VPS26A: variants seen among roughly 807,000 people sequenced by gnomAD.
VPS26A encodes vacuolar protein sorting-associated protein 26A.
VPS26A carries 22 observed loss-of-function variants against 42.4 expected under a neutral mutation model. The observed-to-expected ratio is 0.52, with a 90% CI of 0.37 to 0.74. The LOEUF (loss-of-function observed/expected upper bound fraction) is 0.74. Ranked by LOEUF, VPS26A falls within the 30% of genes least tolerant of loss-of-function variation. The pLI, the probability that VPS26A is intolerant of heterozygous loss-of-function variation, is 0.00. For synonymous variants in VPS26A, 110 were observed against 123.5 expected (o/e 0.89, Z 0.73); for missense variants, 276 against 379.2 (o/e 0.73, Z 2.26).
intron 7 of VPS26A, 25 bp from the exon 8 acceptor site, chr10:69,168,464 T>C: frequency 6.2e-7 from 1 of 1,606,150 alleles, no homozygotes; most frequent in Non-Finnish European, 8.5e-7. Context: ...TCTTTAGAAT[T>C]AAGTAGAAAT....
At chr10:69,141,693 A>G (rs1225875326) in intron 2 of VPS26A, among the ~76,000 whole-genome samples, 1 of 152,206 alleles carries the variant, frequency 6.6e-6, no homozygotes, top group African/African-American at 2.4e-5. Context: ...CAAAAATTGA[A>G]AGCCACTTAA....
intron 2 of VPS26A, among the ~76,000 whole-genome samples, chr10:69,138,770 C>G (rs34827469): frequency 0.18 from 27,299 of 151,940 alleles, 2,857 homozygotes; most frequent in Non-Finnish European, 0.23. Context: ...TGTATATCTC[C>G]TTTCTTCTGC....
In VPS26A at chr10:69,171,929, G is replaced by A. The variant is rs1841824805; in HGVS notation, c.*660G>A. ...TAGATTTCTTTCCCCAAGGGATTAT[G>A]TGGCAGGTCATTATGGCCTTCTTTT... On this transcript the variant is annotated 3_prime_UTR_variant, in exon 9 of 9. Transcript: ENST00000263559. The A allele has an allele frequency of 6.6e-6, 1 of 152,130 alleles. No homozygotes were observed. The highest frequency in any genetic ancestry group is 2.4e-5 in the African/African-American group (1 of 41,420). The allele number at this position is 152,130 out of a possible 1,614,324, so 9.4% of individuals were successfully genotyped here.
chr10:69,164,536 G>C (rs148199907), intron 6 of VPS26A, among the ~76,000 whole-genome samples: 1 of 152,034 alleles, frequency 6.6e-6, no homozygotes, highest in Non-Finnish European at 1.5e-5. Context: ...CTAATATTAA[G>C]GGTAGCAAAA....
At chr10:69,161,116 G>T (rs147190441) in intron 5 of VPS26A, among the ~76,000 whole-genome samples, 2,313 of 152,280 alleles carry the variant, frequency 0.015, 67 homozygotes, top group African/African-American at 0.053. Flanking sequence ...CTGGAGTGCA[G>T]TGGCACAATC....
chr10:69,165,320 TTTATTA>T (rs547666693), intron 6 of VPS26A, among the ~76,000 whole-genome samples: 1 of 152,090 alleles, frequency 6.6e-6, no homozygotes, highest in African/African-American at 2.4e-5. Flanking sequence ...TGTGATTTCT[TTTATTA>T]TTATTATTTT....
intron 2 of VPS26A, among the ~76,000 whole-genome samples, chr10:69,154,224 G>A (rs1362061007): frequency 1.3e-5 from 2 of 152,238 alleles, no homozygotes; most frequent in African/African-American, 4.8e-5. Flanking sequence ...AAATGGTGGT[G>A]TAGCCAAACA....
chr10:69,173,653 C>G lies in VPS26A; in HGVS notation c.*2384C>G, dbSNP rs7072314. Among the ~76,000 whole-genome samples, 6,348 of 152,260 alleles carry G rather than the reference C, an allele frequency of 0.042. 465 individuals carry two copies. Among genetic ancestry groups the G allele is most frequent in the African/African-American group, 0.14 (5,978 of 41,532 alleles). On this transcript the variant is annotated 3_prime_UTR_variant, in exon 9 of 9. Coordinates refer to ENST00000263559, the MANE Select transcript of VPS26A (RefSeq NM_004896.5). ...CAACACTCTAGCTAGGATTGTAAAACGCACTCTGGCTAGCTGGAGGTTTGT... is the reference window on the plus strand; with the variant it reads ...CAACACTCTAGCTAGGATTGTAAAAGGCACTCTGGCTAGCTGGAGGTTTGT...
chr10:69,163,250 G>T (rs1418204681), intron 6 of VPS26A, among the ~76,000 whole-genome samples: 1 of 152,170 alleles, frequency 6.6e-6, no homozygotes, highest in Non-Finnish European at 1.5e-5. Context: ...CTTAGAAGTG[G>T]AATTCATGGG....
At chr10:69,155,684 G>A (rs577008207) in intron 2 of VPS26A, 128 bp from the exon 3 acceptor site, 18 of 711,038 alleles carry the variant, frequency 2.5e-5, no homozygotes, top group Non-Finnish European at 3.9e-5. Flanking sequence ...ATTTAGGTAT[G>A]TGGTGGTGTC....
chr10:69,149,151 A>C (rs1322125139), intron 2 of VPS26A, among the ~76,000 whole-genome samples: 3 of 152,164 alleles, frequency 2.0e-5, no homozygotes, highest in Non-Finnish European at 2.9e-5. Flanking sequence ...ATTAATAGCA[A>C]AGGGGAGAAT....
intron 5 of VPS26A, 100 bp downstream of exon 5, chr10:69,158,311 C>A: frequency 9.9e-7 from 1 of 1,007,652 alleles, no homozygotes; most frequent in East Asian, 3.0e-5. Flanking sequence ...TGACATTAAT[C>A]TGATGTTAAC....
intron 2 of VPS26A, among the ~76,000 whole-genome samples, chr10:69,151,375 T>C (rs1421884786): frequency 2.1e-5 from 3 of 139,924 alleles, no homozygotes; most frequent in African/African-American, 8.3e-5. Flanking sequence ...TCACTTGAAC[T>C]GGGGAGGCAG....
chr10:69,167,317 G>A (rs1841710891), intron 7 of VPS26A, among the ~76,000 whole-genome samples: 1 of 151,758 alleles, frequency 6.6e-6, no homozygotes, highest in Non-Finnish European at 1.5e-5. Context: ...TATGATCCCA[G>A]CTACCTGGGA....
At chr10:69,127,093 ATTTTTTT>A (rs71035057) in intron 1 of VPS26A, among the ~76,000 whole-genome samples, 270 of 97,554 alleles carry the variant, frequency 2.8e-3, no homozygotes, top group African/African-American at 8.7e-3. Flanking sequence ...CACCCGGCCA[ATTTTTTT>A]TTTTTTTTTT....
At chr10:69,164,044 A>G (rs866171580) in intron 6 of VPS26A, among the ~76,000 whole-genome samples, 5 of 151,840 alleles carry the variant, frequency 3.3e-5, no homozygotes, top group Non-Finnish European at 7.4e-5. Flanking sequence ...TGGGATTACA[A>G]GCGTGAGCCA....
chr10:69,158,136 A>G lies in VPS26A; in HGVS notation c.476A>G (p.Asp159Gly). The G allele has an allele frequency of 6.2e-7, 1 of 1,613,242 alleles. No individual in the cohort carries two copies. Among genetic ancestry groups the G allele is most frequent in the Non-Finnish European group, 8.5e-7 (1 of 1,179,590 alleles). ...GTTCACCAGCTTGCCACCTATCCTGATGTTAACAACTCTATTAAGATGGAA... is the reference window on the plus strand; with the variant it reads ...GTTCACCAGCTTGCCACCTATCCTGGTGTTAACAACTCTATTAAGATGGAA... ...LIVHQLATYP[D>G]VNNSIKMEVG... The change falls in exon 5 of 9, where the codon GAT (aspartate) becomes GGT (glycine). Residue 159 changes from aspartate to glycine, a missense_variant. Physicochemically the swap from Asp to Gly is moderately conservative, Grantham distance 94. Coordinates refer to ENST00000263559, the MANE Select transcript of VPS26A (RefSeq NM_004896.5).
intron 2 of VPS26A, among the ~76,000 whole-genome samples, chr10:69,149,287 T>C (rs567834827): frequency 1.3e-4 from 20 of 152,304 alleles, no homozygotes; most frequent in African/African-American, 4.6e-4. Context: ...ACAACTACAC[T>C]TTTGTGGTCT....
At chr10:69,158,594 G>T (rs951307953) in intron 5 of VPS26A, among the ~76,000 whole-genome samples, 1 of 151,956 alleles carries the variant, frequency 6.6e-6, no homozygotes, top group African/African-American at 2.4e-5. Context: ...TTCTTGGGGG[G>T]AGGGGGAAGG....
Sources: allele counts gnomAD v4.1 joint callset (sites outside exome capture counted in the v4.1 genomes callset), GRCh38; gene constraint gnomAD v4.1.1; transcripts MANE v1.5; gene names NCBI Gene and HGNC (gene_info 2026-07-23, HGNC 2026-07-21).